The following NACC2 variants were observed in gnomAD, a reference collection of about 807,000 sequenced individuals.
The protein encoded by NACC2 is nucleus accumbens-associated protein 2.
Under a neutral mutation model 25.1 loss-of-function variants are expected in NACC2, and 8 were observed. That is an observed-to-expected ratio of 0.32 (90% CI 0.19 to 0.57). NACC2 has a LOEUF of 0.57. NACC2 is among the 20% of genes least tolerant of loss of function. The pLI, the probability that NACC2 is intolerant of heterozygous loss-of-function variation, is 0.89. For synonymous variants in NACC2, 435 were observed against 294.7 expected (o/e 1.48, Z -4.88); for missense variants, 644 against 650.2 (o/e 0.99, Z 0.10).
At chr9:136,058,218 T>C (rs1489768433) in intron 1 of NACC2, among the ~76,000 whole-genome samples, 2 of 152,204 alleles carry the variant, frequency 1.3e-5, no homozygotes, top group Non-Finnish European at 2.9e-5. Flanking sequence ...GGCTATGTCC[T>C]TGGGGTCACC....
intron 2 of NACC2, among the ~76,000 whole-genome samples, chr9:136,046,185 CG>C (rs1345670673): frequency 6.6e-6 from 1 of 152,188 alleles, no homozygotes; most frequent in Non-Finnish European, 1.5e-5. Flanking sequence ...CGTGGTGGGG[CG>C]GGAAGGGATG....
At chr9:136,091,455 G>T (rs1194828221) in intron 1 of NACC2, among the ~76,000 whole-genome samples, 1 of 152,194 alleles carries the variant, frequency 6.6e-6, no homozygotes, top group Non-Finnish European at 1.5e-5. Context: ...GGATGTGGTG[G>T]GGCCCCAGGA....
At chr9:136,061,037 G>A (rs1841003237) in intron 1 of NACC2, among the ~76,000 whole-genome samples, 1 of 152,206 alleles carries the variant, frequency 6.6e-6, no homozygotes, top group Non-Finnish European at 1.5e-5. Context: ...GGGCCCCCTG[G>A]TTCTGTCACA....
intron 2 of NACC2, among the ~76,000 whole-genome samples, chr9:136,045,876 A>G (rs1409122731): frequency 6.6e-6 from 1 of 152,116 alleles, no homozygotes; most frequent in Non-Finnish European, 1.5e-5. Flanking sequence ...CCCTGAGCGC[A>G]GCTGGGGAGC....
At chr9:136,044,918 G>T (rs1046158836) in intron 2 of NACC2, among the ~76,000 whole-genome samples, 1 of 152,216 alleles carries the variant, frequency 6.6e-6, no homozygotes, top group Non-Finnish European at 1.5e-5. Flanking sequence ...TCAGCCGGGG[G>T]ATGGACGGGG....
rs1347924069 is a variant in NACC2 at position 136,020,893 on chromosome 9, C to T, written c.887-4464G>A. Among the ~76,000 whole-genome samples the T allele has an allele frequency of 6.6e-6, 1 of 152,152 alleles. No individual in the cohort carries two copies. Among genetic ancestry groups the T allele is most frequent in the Non-Finnish European group, 1.5e-5 (1 of 68,028 alleles). ...TGGGGCTTGAGCAACTGGCCATCCG[C>T]ACCCACACGTGGCACCAAAACCACC... On this transcript the variant is annotated intron_variant, in intron 2 of 5. Coordinates refer to ENST00000277554, the MANE Select transcript of NACC2 (RefSeq NM_144653.5). The surrounding 1 kb of genome is among the most constrained non-coding windows in gnomAD (Gnocchi z 4.7).
At chr9:136,061,527 G>C (rs1380472314) in intron 1 of NACC2, among the ~76,000 whole-genome samples, 1 of 152,212 alleles carries the variant, frequency 6.6e-6, no homozygotes, top group Non-Finnish European at 1.5e-5. Context: ...CTGGGGTAGG[G>C]GAAGGCGGAT....
intron 1 of NACC2, among the ~76,000 whole-genome samples, chr9:136,065,191 A>T (rs1564236558): frequency 1.3e-5 from 2 of 152,232 alleles, no homozygotes; most frequent in African/African-American, 4.8e-5. Context: ...CAACAAAAGG[A>T]AAGAACAAAC....
At chr9:136,056,426 G>A (rs1158496504) in intron 1 of NACC2, among the ~76,000 whole-genome samples, 1 of 152,204 alleles carries the variant, frequency 6.6e-6, no homozygotes, top group Non-Finnish European at 1.5e-5. Flanking sequence ...TGAGGAAACT[G>A]AGACCTCACA....
intron 1 of NACC2, among the ~76,000 whole-genome samples, chr9:136,056,154 C>T (rs998310553): frequency 2.6e-5 from 4 of 152,184 alleles, no homozygotes; most frequent in African/African-American, 2.4e-5. Context: ...TGCCCAGCTC[C>T]GGATGTGCCA....
At chr9:136,060,202 G>C (rs904599775) in intron 1 of NACC2, among the ~76,000 whole-genome samples, 6 of 152,240 alleles carry the variant, frequency 3.9e-5, no homozygotes, top group Admixed American at 3.3e-4. Context: ...TCGTGCGCCA[G>C]TGTGAGAATC....
intron 1 of NACC2, among the ~76,000 whole-genome samples, chr9:136,065,880 C>T (rs566149802): frequency 3.9e-4 from 59 of 151,434 alleles, no homozygotes; most frequent in Non-Finnish European, 8.0e-4. Context: ...AAATCTTGTG[C>T]TTCAAAGAAT....
In NACC2 at chr9:136,011,948, G is replaced by T. The variant is rs1276404432; in HGVS notation, c.1332C>A (p.Ala444=). The T allele has an allele frequency of 1.2e-6, 2 of 1,605,040 alleles. No individual in the cohort carries two copies. The highest frequency in any genetic ancestry group is 2.7e-5 in the African/African-American group (2 of 74,860). The part of the protein sequence containing the change: ...NVIAADMCTN[A]RRVRKRWLPK... ...GCAGCCAGCGCTTGCGAACGCGGCG[G>T]GCGTTGGTGCACATGTCCGCGGCGA... is the stretch of plus-strand genomic sequence containing the variant. The change falls in exon 6 of 6, where the codon GCC becomes GCA. Residue 444 remains alanine (A), a synonymous_variant. Transcript: ENST00000277554.
intron 2 of NACC2, among the ~76,000 whole-genome samples, chr9:136,035,272 C>G (rs1840534309): frequency 6.6e-6 from 1 of 151,912 alleles, no homozygotes; most frequent in East Asian, 1.9e-4. Flanking sequence ...CCACCTGCAC[C>G]AAACCATCAA....
In NACC2 at chr9:136,011,541, T is replaced by G. The variant is rs781629246; in HGVS notation, c.1739A>C (p.Glu580Ala). The change falls in exon 6 of 6, where the codon GAG (glutamate) becomes GCG (alanine). Residue 580 changes from glutamate to alanine, a missense_variant. Glu to Ala is a moderately radical substitution (Grantham distance 107). Transcript: ENST00000277554. ...TTACAAGGTCCCTGCATAGGTGCCCTCCGGCCTCCGGGCCGCGGCCGCCGG... is the reference window on the plus strand; with the variant it reads ...TTACAAGGTCCCTGCATAGGTGCCCGCCGGCCTCCGGGCCGCGGCCGCCGG... ...QTPAAAARRP[E>A]GTYAGTL 1.4e-6 allele frequency: 2 copies of G among 1,408,950 alleles called. No homozygotes were observed. The highest frequency in any genetic ancestry group is 5.9e-5 in the Admixed American group (2 of 34,068). The allele number at this position is 1,408,950 out of a possible 1,614,324, so 87.3% of individuals were successfully genotyped here.
At chr9:136,071,626 A>T (rs930011252) in intron 1 of NACC2, among the ~76,000 whole-genome samples, 1 of 152,034 alleles carries the variant, frequency 6.6e-6, no homozygotes, top group South Asian at 2.1e-4. Context: ...ATGAAAAGGC[A>T]AAGGAATGAA....
intron 1 of NACC2, among the ~76,000 whole-genome samples, chr9:136,071,148 G>A (rs1338343840): frequency 4.6e-5 from 7 of 151,616 alleles, no homozygotes; most frequent in Admixed American, 4.6e-4. Flanking sequence ...CAGGAGAATC[G>A]CTTGAACCTG....
In NACC2 at chr9:136,013,104, G is replaced by T; in HGVS notation, c.1255+95C>A. ...CCCCCAGGGACGGAAGCTGCAGGTG[G>T]CCGGGAGCACCCCCGCGGCCCACCC... On this transcript the variant is annotated intron_variant, in intron 5 of 5. Coordinates refer to ENST00000277554, the MANE Select transcript of NACC2 (RefSeq NM_144653.5). This position sits in a 1 kb window ranked among gnomAD's most constrained non-coding sequence, Gnocchi z 6.6. The T allele has an allele frequency of 9.6e-7, 1 of 1,044,446 alleles. No individual in the cohort carries two copies. Among genetic ancestry groups the T allele is most frequent in the South Asian group, 1.5e-5 (1 of 65,436 alleles). The allele number at this position is 1,044,446 out of a possible 1,614,324, so 64.7% of individuals were successfully genotyped here.
intron 1 of NACC2, among the ~76,000 whole-genome samples, chr9:136,072,720 C>T (rs1328884632): frequency 6.6e-6 from 1 of 151,826 alleles, no homozygotes; most frequent in Non-Finnish European, 1.5e-5. Flanking sequence ...GAATGTGGTA[C>T]ATGCCTATAA....
Sources: allele counts gnomAD v4.1 joint callset (sites outside exome capture counted in the v4.1 genomes callset), GRCh38; gene constraint gnomAD v4.1.1; non-coding constraint Gnocchi (gnomAD v3.1); transcripts MANE v1.5; gene names NCBI Gene and HGNC (gene_info 2026-07-23, HGNC 2026-07-21).